GNB5: variants seen among roughly 807,000 people sequenced by gnomAD.
The protein encoded by GNB5 is G protein subunit beta 5, also known as guanine nucleotide-binding protein subunit beta-5.
GNB5 carries 37 observed loss-of-function variants against 55.3 expected under a neutral mutation model. The observed-to-expected ratio is 0.67, with a 90% confidence interval of 0.51 to 0.88. The LOEUF (loss-of-function observed/expected upper bound fraction) is 0.88, where lower values mean the gene tolerates loss of function less well. Ranked by LOEUF, GNB5 falls within the 40% of genes least tolerant of loss-of-function variation. The pLI is 0.00. For missense variants in GNB5, 476 were observed against 515.3 expected (o/e 0.92, Z 0.74); for synonymous variants, 219 against 198.5 (o/e 1.10, Z -0.87).
intron 3 of GNB5, 102 bp from the exon 4 acceptor site, chr15:52,154,178 A>T: frequency 9.5e-7 from 1 of 1,049,130 alleles, no homozygotes; most frequent in Non-Finnish European, 1.3e-6. Flanking sequence ...AGGCGGCCCC[A>T]TGGGCTTCCT....
At chr15:52,178,865 G>C (rs1436369555) in intron 3 of GNB5, among the ~76,000 whole-genome samples, 4 of 152,232 alleles carry the variant, frequency 2.6e-5, no homozygotes, top group Non-Finnish European at 5.9e-5. Flanking sequence ...ACGTCAAGGT[G>C]TGCAGGAGGG....
intron 3 of GNB5, among the ~76,000 whole-genome samples, chr15:52,155,162 A>G (rs1043061636): frequency 2.0e-5 from 3 of 151,366 alleles, no homozygotes; most frequent in African/African-American, 7.3e-5. Context: ...CTTCCTTGAA[A>G]CCTCCCAGCT....
intron 4 of GNB5, among the ~76,000 whole-genome samples, chr15:52,151,941 A>C (rs958086974): frequency 2.0e-5 from 3 of 152,094 alleles, no homozygotes. Context: ...TGGGTAACAG[A>C]GTGAGACCCC....
intron 3 of GNB5, among the ~76,000 whole-genome samples, chr15:52,171,773 T>C (rs979537838): frequency 1.3e-5 from 2 of 152,250 alleles, no homozygotes; most frequent in African/African-American, 2.4e-5. Context: ...TAAATCAGAA[T>C]AGTCCAAGAC....
chr15:52,154,948 G>T (rs1369052103), intron 3 of GNB5, among the ~76,000 whole-genome samples: 5 of 152,232 alleles, frequency 3.3e-5, no homozygotes, highest in Non-Finnish European at 7.3e-5. Context: ...GGCTTGCAGA[G>T]AAGCTGAGAC....
Position 52,122,701 on chromosome 15 carries a change from T to C in GNB5, c.*56A>G. The C allele has an allele frequency of 1.4e-6, 2 of 1,380,710 alleles. No homozygotes were observed. The highest frequency in any genetic ancestry group is 1.0e-6 in the Non-Finnish European group (1 of 967,122). 85.5% of individuals were successfully genotyped at this position (1,380,710 alleles called of 1,614,324 possible). ...AAGCTCCTCTAGAAGTAATATCTAT[T>C]TACATGTGAAGATTTCAAATTCTCA... On this transcript the variant is annotated 3_prime_UTR_variant, in exon 13 of 13. Transcript: ENST00000261837.
intron 3 of GNB5, among the ~76,000 whole-genome samples, chr15:52,159,029 TGA>T (rs2034275406): frequency 6.6e-6 from 1 of 152,144 alleles, no homozygotes; most frequent in South Asian, 2.1e-4. Context: ...GTGAGTCAGA[TGA>T]GAGGAGGTCC....
chr15:52,123,395 C>A (rs1043464681), intron 12 of GNB5, among the ~76,000 whole-genome samples: 1 of 151,992 alleles, frequency 6.6e-6, no homozygotes, highest in African/African-American at 2.4e-5. Flanking sequence ...TTAAGTGCCC[C>A]CCAACAAAGA....
chr15:52,149,747 G>A, intron 5 of GNB5, 137 bp downstream of exon 5: 1 of 728,598 alleles, frequency 1.4e-6, no homozygotes, highest in Admixed American at 2.0e-5. Context: ...CCTTCTTGGG[G>A]TTTCCATCCG....
At position 52,189,757 on chromosome 15, in the gene GNB5, A is replaced by G. The variant is rs767273248; in HGVS notation, c.-19+1565T>C. Among the ~76,000 whole-genome samples the G allele has an allele frequency of 3.9e-5, 6 of 152,238 alleles. No homozygotes were observed. The South Asian group carries it at 1.2e-3, about 31-fold the overall frequency. ...CAATAAAAAAGAATGACGTTCTGAC[A>G]CATGCTACAACATGGTCAAACCTTA... On this transcript the variant is annotated intron_variant, in intron 1 of 12. Transcript: ENST00000261837.
chr15:52,126,937 C>T (rs1013645669), intron 10 of GNB5, among the ~76,000 whole-genome samples: 1 of 152,192 alleles, frequency 6.6e-6, no homozygotes, highest in Non-Finnish European at 1.5e-5. Context: ...GCTGGGATTA[C>T]AGGTGACCGC....
rs1216272462 is a variant in GNB5, at chr15:52,132,636, AT to A, written c.863+741del. Among the ~76,000 whole-genome samples, 433 of 134,676 alleles carry A rather than the reference AT, an allele frequency of 3.2e-3. 4 individuals carry two copies. Among genetic ancestry groups the A allele is most frequent in the South Asian group, 0.024 (103 of 4,238 alleles). The allele number at this position is 134,676 out of a possible 152,430, so 88.4% of individuals were successfully genotyped here. A position where few individuals can be genotyped will look rare whatever the true frequency, so the allele number is the denominator to read the frequency against. On this transcript the variant is annotated intron_variant, in intron 9 of 12. Transcript: ENST00000261837. The stretch of plus-strand genomic sequence containing the variant: ...CTCCACACATCACCATGCCCTGCTA[AT>A]TTTTTTTTTTTTTTTGGTAGAGACA...
rs2033191783 is a variant in GNB5 at position 52,118,700 on chromosome 15, C to G, written c.*4057G>C. On this transcript the variant is annotated 3_prime_UTR_variant, in exon 13 of 13. Coordinates refer to ENST00000261837, the MANE Select transcript of GNB5 (RefSeq NM_016194.4). ...TGTGACCAACATGGAGAAACCTGGT[C>G]TCTACTAAAAATACAAAATTAGCCG... The G allele has an allele frequency of 6.6e-6, 1 of 151,802 alleles. No homozygotes were observed. Among genetic ancestry groups the G allele is most frequent in the South Asian group, 2.1e-4 (1 of 4,796 alleles). 9.4% of individuals were successfully genotyped at this position (151,802 alleles called of 1,614,324 possible). A position where few individuals can be genotyped will look rare whatever the true frequency, so the allele number is the denominator to read the frequency against.
At chr15:52,134,895 A>C (rs906760523) in intron 8 of GNB5, among the ~76,000 whole-genome samples, 1 of 151,884 alleles carries the variant, frequency 6.6e-6, no homozygotes, top group Non-Finnish European at 1.5e-5. Flanking sequence ...TTGCATACAC[A>C]CTGCAAACTC....
chr15:52,131,533 T>C (rs1406255432), intron 9 of GNB5, among the ~76,000 whole-genome samples: 2 of 152,218 alleles, frequency 1.3e-5, no homozygotes, highest in Non-Finnish European at 2.9e-5. Context: ...GACTGTACTT[T>C]ATTAATACAC....
At chr15:52,175,824 ACGG>A (rs1596105637) in intron 3 of GNB5, among the ~76,000 whole-genome samples, 2 of 151,994 alleles carry the variant, frequency 1.3e-5, no homozygotes, top group East Asian at 3.9e-4. Context: ...GCCAAGGTGG[ACGG>A]ATCACAAGGT....
At chr15:52,139,730 C>CA in intron 7 of GNB5, 1 of 1,090,790 alleles carries the variant, frequency 9.2e-7, no homozygotes, top group Non-Finnish European at 1.2e-6. Flanking sequence ...GCCTCCCAGG[C>CA]CGCGTCCCCG....
intron 2 of GNB5, among the ~76,000 whole-genome samples, chr15:52,183,917 CCAGGATTT>C: frequency 6.6e-6 from 1 of 152,294 alleles, no homozygotes; most frequent in East Asian, 1.9e-4. Flanking sequence ...TTGAAAAATT[CCAGGATTT>C]GTATTCCATT....
intron 6 of GNB5, among the ~76,000 whole-genome samples, chr15:52,143,111 C>T (rs1228022413): frequency 6.6e-6 from 1 of 151,302 alleles, no homozygotes; most frequent in Non-Finnish European, 1.5e-5. Context: ...GTTGAGACCA[C>T]ACCACCGCAC....
Sources: allele counts gnomAD v4.1 joint callset (sites outside exome capture counted in the v4.1 genomes callset), GRCh38; gene constraint gnomAD v4.1.1; transcripts MANE v1.5; gene names NCBI Gene and HGNC (gene_info 2026-07-23, HGNC 2026-07-21).